Variants in ATE1 observed in about 807,000 individuals in gnomAD.
ATE1 encodes arginyl-tRNA--protein transferase 1.
In ATE1, 36 loss-of-function variants were observed where a neutral mutation model predicts 70.5. The ratio of observed to expected loss-of-function variants is 0.51; its 90% CI spans 0.39 to 0.67. The LOEUF (loss-of-function observed/expected upper bound fraction) is 0.67, where lower values mean the gene tolerates loss of function less well. ATE1 is among the 30% of genes least tolerant of loss of function. ATE1 has a pLI of 0.00. For synonymous variants in ATE1, 232 were observed against 219.3 expected (o/e 1.06, Z -0.51); for missense variants, 593 against 629.5 (o/e 0.94, Z 0.62).
intron 8 of ATE1, among the ~76,000 whole-genome samples, chr10:121,844,522 G>A (rs533746627): frequency 6.6e-6 from 1 of 152,082 alleles, no homozygotes; most frequent in African/African-American, 2.4e-5. Context: ...GATGATTTAG[G>A]AGCTGCTCAT....
intron 10 of ATE1, among the ~76,000 whole-genome samples, chr10:121,805,213 T>A (rs2133410126): frequency 6.6e-6 from 1 of 152,310 alleles, no homozygotes; most frequent in Middle Eastern, 3.4e-3. Context: ...AAATCTAGAA[T>A]AAACCAAATG....
intron 11 of ATE1, among the ~76,000 whole-genome samples, chr10:121,785,321 C>T (rs574309224): frequency 1.8e-4 from 28 of 152,288 alleles, no homozygotes; most frequent in African/African-American, 6.7e-4. Flanking sequence ...TAGGAAGTTG[C>T]TTTCTCACTA....
rs1169499754 is a variant in ATE1, at chr10:121,743,638, T to G, written c.*42A>C. On this transcript the variant is annotated 3_prime_UTR_variant, in exon 12 of 12. Transcript: ENST00000224652. ...TACTGAATATGTATCCTGGCACAAATCATCAGCACAACACAGGAACTTCCC... is the reference window on the plus strand; with the variant it reads ...TACTGAATATGTATCCTGGCACAAAGCATCAGCACAACACAGGAACTTCCC... 1 of 1,527,570 alleles carries G rather than the reference T, an allele frequency of 6.5e-7. No individual in the cohort carries two copies. The highest frequency in any genetic ancestry group is 8.8e-7 in the Non-Finnish European group (1 of 1,140,350). The allele number at this position is 1,527,570 out of a possible 1,614,324, so 94.6% of individuals were successfully genotyped here. A position where few individuals can be genotyped will look rare whatever the true frequency, so the allele number is the denominator to read the frequency against.
chr10:121,789,529 C>T (rs1590303543), intron 11 of ATE1, among the ~76,000 whole-genome samples: 2 of 152,100 alleles, frequency 1.3e-5, no homozygotes, highest in Admixed American at 1.3e-4. Flanking sequence ...GAACTCCTGA[C>T]CTCACGTGAT....
Position 121,920,399 on chromosome 10 carries a change from G to C in ATE1, c.233+1950C>G, listed in dbSNP as rs542075653. On this transcript the variant is annotated intron_variant, in intron 3 of 11. Transcript: ENST00000224652. ...AAAATGTAATTTGCCAGGCCTGGTG[G>C]TGTGTACCTACAGTCCCAGCTACTT... Among the ~76,000 whole-genome samples the C allele has an allele frequency of 1.4e-4, 22 of 152,154 alleles. No individual in the cohort carries two copies. In the South Asian group the frequency reaches 3.3e-3, roughly 23 times the overall value.
intron 10 of ATE1, among the ~76,000 whole-genome samples, chr10:121,814,828 T>G (rs1486216837): frequency 1.3e-5 from 2 of 152,166 alleles, no homozygotes; most frequent in African/African-American, 4.8e-5. Flanking sequence ...GTAAATCAGC[T>G]TGGTTCTAAG....
intron 11 of ATE1, among the ~76,000 whole-genome samples, chr10:121,778,933 G>A (rs1470132773): frequency 6.6e-6 from 1 of 152,070 alleles, no homozygotes; most frequent in South Asian, 2.1e-4. Context: ...AAAAAACGTG[G>A]ATGTTGTCTT....
intron 11 of ATE1, among the ~76,000 whole-genome samples, chr10:121,749,621 CATTA>C (rs938140182): frequency 2.6e-5 from 4 of 152,174 alleles, no homozygotes; most frequent in African/African-American, 7.2e-5. Context: ...TCAATAACGA[CATTA>C]ATTTTTAATT....
chr10:121,773,208 G>A (rs765192246), intron 11 of ATE1, among the ~76,000 whole-genome samples: 1 of 152,146 alleles, frequency 6.6e-6, no homozygotes, highest in Non-Finnish European at 1.5e-5. Context: ...ATGACCTAAT[G>A]CTCTTGGTTT....
At chr10:121,748,533 T>C (rs1015933387) in intron 11 of ATE1, among the ~76,000 whole-genome samples, 5 of 152,198 alleles carry the variant, frequency 3.3e-5, no homozygotes, top group Non-Finnish European at 7.4e-5. Context: ...AATTGGCTTA[T>C]GATGTCACTG....
chr10:121,808,948 G>T (rs1186857456), intron 10 of ATE1, among the ~76,000 whole-genome samples: 1 of 152,092 alleles, frequency 6.6e-6, no homozygotes, highest in Admixed American at 6.6e-5. Flanking sequence ...CTTGCACTTT[G>T]ATTTTTCACC....
intron 10 of ATE1, among the ~76,000 whole-genome samples, chr10:121,835,307 G>A (rs1225902404): frequency 6.6e-6 from 1 of 152,080 alleles, no homozygotes; most frequent in African/African-American, 2.4e-5. Context: ...GCAAGGCACT[G>A]CTTTTTCACT....
At position 121,821,042 on chromosome 10, in the gene ATE1, C is replaced by T. The variant is rs568353927; in HGVS notation, c.1257+15676G>A. Among the ~76,000 whole-genome samples, 17 of 152,288 alleles carry T rather than the reference C, an allele frequency of 1.1e-4. No homozygotes were observed. The South Asian group carries it at 3.3e-3, about 30-fold the overall frequency. On this transcript the variant is annotated intron_variant, in intron 10 of 11. Coordinates refer to ENST00000224652, the MANE Select transcript of ATE1 (RefSeq NM_001001976.3). ...CTGCAACCTCCACCTCCCAGGTTCA[C>T]GCCATTCTCCCGCCTCGGCCTCCCG...
chr10:121,784,251 A>G (rs567345687), intron 11 of ATE1, among the ~76,000 whole-genome samples: 1 of 152,354 alleles, frequency 6.6e-6, no homozygotes, highest in Admixed American at 6.5e-5. Context: ...AATTTATAAA[A>G]TAGTATGTTT....
At chr10:121,874,646 A>C (rs1291303280) in intron 7 of ATE1, among the ~76,000 whole-genome samples, 1 of 152,182 alleles carries the variant, frequency 6.6e-6, no homozygotes, top group Non-Finnish European at 1.5e-5. Flanking sequence ...AGCAGAAAGG[A>C]TTGTTTGTGC....
At chr10:121,847,714 C>T (rs574688340) in intron 8 of ATE1, among the ~76,000 whole-genome samples, 7 of 135,830 alleles carry the variant, frequency 5.2e-5, no homozygotes, top group East Asian at 4.3e-4. Context: ...GCTGAGATCA[C>T]GCCACTGCAC....
At chr10:121,869,976 C>A in intron 8 of ATE1, 30 bp downstream of exon 8, 2 of 1,573,192 alleles carry the variant, frequency 1.3e-6, no homozygotes, top group Non-Finnish European at 1.7e-6. Flanking sequence ...ATTACCAATT[C>A]TAATATTAAG....
At chr10:121,821,027 C>T (rs994877760) in intron 10 of ATE1, among the ~76,000 whole-genome samples, 1 of 151,690 alleles carries the variant, frequency 6.6e-6, no homozygotes, top group Admixed American at 6.5e-5. Flanking sequence ...CTGCAACCTC[C>T]ACCTCCCAGG....
chr10:121,855,263 T>C (rs1303364144), intron 8 of ATE1, among the ~76,000 whole-genome samples: 2 of 152,226 alleles, frequency 1.3e-5, no homozygotes, highest in African/African-American at 4.8e-5. Flanking sequence ...AATAATTCCA[T>C]GTACTACCTC....
Sources: allele counts gnomAD v4.1 joint callset (sites outside exome capture counted in the v4.1 genomes callset), GRCh38; gene constraint gnomAD v4.1.1; transcripts MANE v1.5; gene names NCBI Gene and HGNC (gene_info 2026-07-23, HGNC 2026-07-21).